Variants in PAMR1 observed in about 807,000 individuals in gnomAD.
The protein encoded by PAMR1 is inactive serine protease PAMR1.
Under a neutral mutation model 81.8 loss-of-function variants are expected in PAMR1, and 88 were observed. The ratio of observed to expected loss-of-function variants is 1.08; its 90% CI spans 0.91 to 1.28. The LOEUF is 1.28. Ranked by LOEUF, PAMR1 falls within the 50% of genes most tolerant of loss-of-function variation. The probability of loss-of-function intolerance (pLI) is 0.00; values close to 1 mark genes in which losing one functional copy is unlikely to be tolerated. For missense variants in PAMR1, 935 were observed against 919.7 expected (o/e 1.02, Z -0.21); for synonymous variants, 336 against 345.3 (o/e 0.97, Z 0.30).
At chr11:35,466,158 A>G (rs1210186513) in intron 6 of PAMR1, among the ~76,000 whole-genome samples, 2 of 152,164 alleles carry the variant, frequency 1.3e-5, no homozygotes, top group African/African-American at 4.8e-5. Context: ...TCTGAAGCTC[A>G]GTATTTGCTA....
intron 3 of PAMR1, among the ~76,000 whole-genome samples, chr11:35,480,890 T>C (rs1850377850): frequency 1.3e-5 from 2 of 152,162 alleles, no homozygotes; most frequent in South Asian, 4.1e-4. Flanking sequence ...GTGTGTGTTG[T>C]TTCCCTCCCT....
chr11:35,481,589 C>T (rs1040931642), intron 3 of PAMR1, among the ~76,000 whole-genome samples: 2 of 152,110 alleles, frequency 1.3e-5, no homozygotes, highest in Non-Finnish European at 2.9e-5. Flanking sequence ...GTGGCATGAC[C>T]TCGGCTCACT....
rs1238461367 is a variant in PAMR1, at chr11:35,494,752, CA to C, written c.74-481del. Among the ~76,000 whole-genome samples the C allele has an allele frequency of 2.0e-5, 3 of 152,158 alleles. No homozygotes were observed. The East Asian group carries it at 5.8e-4, about 29-fold the overall frequency. On this transcript the variant is annotated intron_variant, in intron 1 of 10. Coordinates refer to ENST00000619888, the MANE Select transcript of PAMR1 (RefSeq NM_001001991.3). ...TGAATTCTTCCCAGGCCAATGTCTCCAAAGTAGGGAGACCTACCCCAAGGAA... is the reference window on the plus strand; with the variant it reads ...TGAATTCTTCCCAGGCCAATGTCTCCAAGTAGGGAGACCTACCCCAAGGAA...
chr11:35,467,354 C>A (rs116100766), intron 6 of PAMR1, among the ~76,000 whole-genome samples: 2,365 of 152,294 alleles, frequency 0.016, 64 homozygotes, highest in African/African-American at 0.055. Context: ...CTAGGAGACT[C>A]TCTGTCCTCC....
chr11:35,434,519 C>A lies in PAMR1; in HGVS notation c.1619G>T (p.Ser540Ile), dbSNP rs948659616. ...DDDRDEKTIQSLQISAIILHP... is the reference protein window; with the variant it reads ...DDDRDEKTIQILQISAIILHP... ...GTGCAAGCCCTCTCTTACCTGTAGGCTCTGGATGGTCTTCTCATCCCGGTC... is the reference window on the plus strand; with the variant it reads ...GTGCAAGCCCTCTCTTACCTGTAGGATCTGGATGGTCTTCTCATCCCGGTC... The change falls in exon 10 of 11, where the codon AGC (serine) becomes ATC (isoleucine). Residue 540 changes from serine to isoleucine, a missense_variant. By Grantham distance (142) the Ser-to-Ile change is moderately radical. Transcript: ENST00000619888. The A allele has an allele frequency of 3.1e-6, 5 of 1,613,560 alleles. No individual in the cohort carries two copies. Among genetic ancestry groups the A allele is most frequent in the Non-Finnish European group, 4.2e-6 (5 of 1,179,750 alleles).
At chr11:35,436,976 G>T (rs906328620) in intron 8 of PAMR1, among the ~76,000 whole-genome samples, 2 of 152,166 alleles carry the variant, frequency 1.3e-5, no homozygotes, top group African/African-American at 4.8e-5. Flanking sequence ...AAACTAAACT[G>T]TGTTGATACA....
chr11:35,506,312 C>A (rs1049479876), intron 1 of PAMR1, among the ~76,000 whole-genome samples: 14 of 151,898 alleles, frequency 9.2e-5, no homozygotes, highest in Non-Finnish European at 1.9e-4. Context: ...GAGTGAATGA[C>A]CCACCACAAT....
At position 35,434,692 on chromosome 11, in the gene PAMR1, C is replaced by A. The variant is rs768134226; in HGVS notation, c.1446G>T (p.Lys482Asn). The A allele has an allele frequency of 2.2e-5, 35 of 1,614,204 alleles. No individual in the cohort carries two copies. Among genetic ancestry groups the A allele is most frequent in the Non-Finnish European group, 3.0e-5 (35 of 1,180,042 alleles). ...CGCTGCAGACTAGGAACCACGCTCC[C>A]TTGTGTAGGCTGCCGTCATGCACCC... ...TSGVHDGSLH[K>N]GAWFLVCSGA... The change falls in exon 10 of 11, where the codon AAG becomes AAT. Residue 482 changes from lysine (K) to asparagine (N), a missense_variant. Lys to Asn is a moderately conservative substitution (Grantham distance 94). Coordinates refer to ENST00000619888, the MANE Select transcript of PAMR1 (RefSeq NM_001001991.3).
chr11:35,508,212 C>T (rs1336168834), intron 1 of PAMR1, among the ~76,000 whole-genome samples: 4 of 152,260 alleles, frequency 2.6e-5, no homozygotes, highest in African/African-American at 9.6e-5. Context: ...GGTGGGGAAG[C>T]TGGTTATCCA....
rs139711011 is a variant in PAMR1, at chr11:35,458,800, A to T, written c.820+9201T>A. 1.6e-4 allele frequency among the ~76,000 whole-genome samples: 25 copies of T among 152,352 alleles called. No homozygotes were observed. In the East Asian group the frequency reaches 4.6e-3, roughly 28 times the overall value. ...AGGGCATTGTTCATCCTGGAAATCT[A>T]CTTAACATGAGGCCAGCTCTTACAG... On this transcript the variant is annotated intron_variant, in intron 6 of 10. Coordinates refer to ENST00000619888, the MANE Select transcript of PAMR1 (RefSeq NM_001001991.3).
intron 1 of PAMR1, among the ~76,000 whole-genome samples, chr11:35,502,372 C>G (rs1565355615): frequency 6.6e-6 from 1 of 152,156 alleles, no homozygotes; most frequent in Non-Finnish European, 1.5e-5. Flanking sequence ...GGTATTAAGC[C>G]TGGCATGCAT....
At chr11:35,462,934 G>C (rs777152651) in intron 6 of PAMR1, among the ~76,000 whole-genome samples, 12 of 152,260 alleles carry the variant, frequency 7.9e-5, no homozygotes, top group Non-Finnish European at 1.8e-4. Context: ...TTAAGGATAA[G>C]AGAGGTCTTA....
chr11:35,503,027 A>G (rs1354145632), intron 1 of PAMR1, among the ~76,000 whole-genome samples: 1 of 152,142 alleles, frequency 6.6e-6, no homozygotes, highest in Non-Finnish European at 1.5e-5. Context: ...ATAAGAAATA[A>G]CGGTCAAGTT....
chr11:35,441,950 A>T (rs1315558616), intron 6 of PAMR1, among the ~76,000 whole-genome samples: 2 of 152,220 alleles, frequency 1.3e-5, no homozygotes, highest in African/African-American at 4.8e-5. Context: ...CTCTTATATC[A>T]TCTTGTCCAT....
At chr11:35,480,661 T>C (rs1850373738) in intron 3 of PAMR1, among the ~76,000 whole-genome samples, 1 of 152,218 alleles carries the variant, frequency 6.6e-6, no homozygotes, top group Non-Finnish European at 1.5e-5. Context: ...TTTTAAATAC[T>C]TTTCAAATCT....
At chr11:35,498,260 G>A (rs1168415812) in intron 1 of PAMR1, among the ~76,000 whole-genome samples, 2 of 152,144 alleles carry the variant, frequency 1.3e-5, no homozygotes, top group Admixed American at 6.5e-5. Context: ...AAAAGTCGAG[G>A]AGGGAGAGTG....
At chr11:35,473,730 T>C (rs1441936562) in intron 4 of PAMR1, among the ~76,000 whole-genome samples, 1 of 152,162 alleles carries the variant, frequency 6.6e-6, no homozygotes, top group Non-Finnish European at 1.5e-5. Flanking sequence ...CCAGGTAGCA[T>C]GTGGTAACCT....
At chr11:35,476,404 T>G (rs1319363518) in intron 3 of PAMR1, among the ~76,000 whole-genome samples, 1 of 152,170 alleles carries the variant, frequency 6.6e-6, no homozygotes, top group African/African-American at 2.4e-5. Flanking sequence ...ATGCTGTTCT[T>G]GTGATAGTGA....
At chr11:35,451,870 T>A (rs376719796) in intron 6 of PAMR1, 12 of 705,846 alleles carry the variant, frequency 1.7e-5, no homozygotes, top group Non-Finnish European at 3.2e-5. Flanking sequence ...GAAGTCAGCA[T>A]CTGAAGCAAG....
Sources: gnomAD v4.1 joint callset for allele counts (sites outside exome capture counted in the v4.1 genomes callset) on GRCh38, gnomAD v4.1.1 for gene constraint, MANE v1.5 for transcripts, NCBI Gene and HGNC (gene_info 2026-07-23, HGNC 2026-07-21) for gene names.